Variants in NDST4 observed in about 807,000 individuals in gnomAD.
The protein encoded by NDST4 is N-heparan sulfate sulfotransferase 4.
A neutral mutation model predicts 100.8 loss-of-function variants in NDST4; 63 were observed. That is an observed-to-expected ratio of 0.62 (90% confidence interval 0.51 to 0.77). The LOEUF (loss-of-function observed/expected upper bound fraction) is 0.77. Ranked by LOEUF, NDST4 falls within the 30% of genes least tolerant of loss-of-function variation. The pLI, the probability that NDST4 is intolerant of heterozygous loss-of-function variation, is 0.00. For missense variants in NDST4, 943 were observed against 1,018.4 expected (o/e 0.93, Z 1.01); for synonymous variants, 377 against 361.8 (o/e 1.04, Z -0.48).
At chr4:114,985,355 G>A (rs181677896) in intron 2 of NDST4, among the ~76,000 whole-genome samples, 4 of 152,182 alleles carry the variant, frequency 2.6e-5, no homozygotes, top group South Asian at 2.1e-4. Flanking sequence ...CCCTCCTTTT[G>A]CCACTCTTCA....
chr4:114,849,662 T>C (rs1723630173), intron 8 of NDST4, among the ~76,000 whole-genome samples: 1 of 152,058 alleles, frequency 6.6e-6, no homozygotes, highest in African/African-American at 2.4e-5. Context: ...ACACCTAGAA[T>C]GAAACACTGT....
At chr4:115,033,014 T>C (rs1348679213) in intron 2 of NDST4, among the ~76,000 whole-genome samples, 1 of 151,438 alleles carries the variant, frequency 6.6e-6, no homozygotes, top group African/African-American at 2.4e-5. Flanking sequence ...ACTAATATTT[T>C]ATCTTTTATT....
intron 2 of NDST4, among the ~76,000 whole-genome samples, chr4:115,037,977 T>C (rs1728268796): frequency 6.6e-6 from 1 of 152,192 alleles, no homozygotes; most frequent in African/African-American, 2.4e-5. Context: ...GTTTTGACTA[T>C]AATTGCAGCT....
intron 11 of NDST4, among the ~76,000 whole-genome samples, chr4:114,834,622 C>CT (rs1723273214): frequency 6.6e-6 from 1 of 150,978 alleles, no homozygotes; most frequent in Non-Finnish European, 1.5e-5. Flanking sequence ...TAAAGTTATG[C>CT]TTTTTTTGTT....
intron 7 of NDST4, among the ~76,000 whole-genome samples, chr4:114,855,046 T>C (rs1186900485): frequency 6.6e-6 from 1 of 152,208 alleles, no homozygotes; most frequent in Non-Finnish European, 1.5e-5. Context: ...GTTGAGAACA[T>C]TTTCATATAA....
At chr4:115,113,321 T>C (rs1299474758) in intron 1 of NDST4, 123 bp downstream of exon 1, 1 of 151,954 alleles carries the variant, frequency 6.6e-6, no homozygotes. Context: ...TAAGATATTA[T>C]CTGCTTCTAC....
chr4:114,934,341 G>C (rs1187831196), intron 6 of NDST4, among the ~76,000 whole-genome samples: 1 of 152,038 alleles, frequency 6.6e-6, no homozygotes, highest in African/African-American at 2.4e-5. Flanking sequence ...CACGAGGTCA[G>C]GAGATCGAGA....
Position 115,010,712 on chromosome 4 carries a change from C to T in NDST4, c.979-33438G>A, listed in dbSNP as rs1305557283. Among the ~76,000 whole-genome samples the T allele has an allele frequency of 1.2e-4, 8 of 67,014 alleles. 2 individuals carry two copies. Among genetic ancestry groups the T allele is most frequent in the Non-Finnish European group, 1.6e-4 (5 of 32,182 alleles). The allele number at this position is 67,014 out of a possible 152,430, so 44.0% of individuals were successfully genotyped here. A position where few individuals can be genotyped will look rare whatever the true frequency, so the allele number is the denominator to read the frequency against. On this transcript the variant is annotated intron_variant, in intron 2 of 13. Transcript: ENST00000264363. ...AATAAAAAAAAGAATACATATATGG[C>T]TCTTTGTGACTTTGAAATCTAAAGC...
intron 6 of NDST4, among the ~76,000 whole-genome samples, chr4:114,882,386 A>G (rs776730970): frequency 9.9e-5 from 15 of 152,068 alleles, no homozygotes; most frequent in Non-Finnish European, 1.2e-4. Flanking sequence ...AGAAAACATC[A>G]CTGCTATATT....
intron 6 of NDST4, among the ~76,000 whole-genome samples, chr4:114,901,260 C>A (rs921331855): frequency 8.6e-5 from 13 of 152,018 alleles, no homozygotes; most frequent in Non-Finnish European, 1.6e-4. Context: ...TTTTCAATTA[C>A]AATACTGGAT....
intron 4 of NDST4, among the ~76,000 whole-genome samples, chr4:114,946,292 GA>G (rs112715556): frequency 6.6e-6 from 1 of 150,606 alleles, no homozygotes; most frequent in Non-Finnish European, 1.5e-5. Context: ...GAAGAAAACA[GA>G]AAAAAAAATG....
At position 114,965,290 on chromosome 4, in the gene NDST4, T is replaced by C. The variant is rs552005270; in HGVS notation, c.1221+5140A>G. On this transcript the variant is annotated intron_variant, in intron 4 of 13. Transcript: ENST00000264363. Reference sequence around the variant, plus strand: ...CTCTCAGTTTCATTTCATTATACTATTAATTTGTTATCATATTACTTTATT... The same window carrying C: ...CTCTCAGTTTCATTTCATTATACTACTAATTTGTTATCATATTACTTTATT... Among the ~76,000 whole-genome samples, 335 of 152,202 alleles carry C rather than the reference T, an allele frequency of 2.2e-3. 2 individuals are homozygous for C. Among genetic ancestry groups the C allele is most frequent in the African/African-American group, 7.4e-3 (308 of 41,556 alleles).
At chr4:114,897,108 T>C (rs911146069) in intron 6 of NDST4, among the ~76,000 whole-genome samples, 1 of 152,162 alleles carries the variant, frequency 6.6e-6, no homozygotes, top group Admixed American at 6.6e-5. Flanking sequence ...ACAGATAGTT[T>C]ACATTAGGTT....
At position 115,076,933 on chromosome 4, in the gene NDST4, G is replaced by T; in HGVS notation, c.104C>A (p.Ser35Tyr). 6.2e-7 allele frequency: 1 copy of T among 1,613,668 alleles called. No individual in the cohort carries two copies. Among genetic ancestry groups the T allele is most frequent in the Non-Finnish European group, 8.5e-7 (1 of 1,179,804 alleles). ...SIVISAYFLY[S>Y]GYKQEMTLIE... Reference sequence around the variant, plus strand: ...AAGTGTCATTTCCTGTTTGTAGCCAGAGTAGAGAAAATAGGCAGAAATGAC... The same window carrying T: ...AAGTGTCATTTCCTGTTTGTAGCCATAGTAGAGAAAATAGGCAGAAATGAC... Residue 35 changes from serine (S) to tyrosine (Y), a missense_variant, in exon 2 of 14, where the codon TCT (serine) becomes TAT (tyrosine). By Grantham distance (144) the Ser-to-Tyr change is moderately radical. This residue lies in a region of NDST4 where 417 missense variants were observed against 384.2 expected (regional missense o/e 1.09). Coordinates refer to ENST00000264363, the MANE Select transcript of NDST4 (RefSeq NM_022569.3).
rs114576802 is a variant in NDST4, at chr4:114,996,222, G to T, written c.979-18948C>A. ...CTATGCCGTTCTTGTGATAGTGAGT[G>T]AGTTCTCAGATCTGATGGTTTTATA... On this transcript the variant is annotated intron_variant, in intron 2 of 13. Transcript: ENST00000264363. 7.9e-3 allele frequency among the ~76,000 whole-genome samples: 1,196 copies of T among 152,130 alleles called. 11 individuals carry two copies. The highest frequency in any genetic ancestry group is 0.025 in the African/African-American group (1,052 of 41,518).
chr4:115,009,459 T>G (rs190130231), intron 2 of NDST4, among the ~76,000 whole-genome samples: 99,952 of 123,950 alleles, frequency 0.81, 45,486 homozygotes, highest in African/African-American at 0.9. Flanking sequence ...TAACAAATGG[T>G]GCTAGGAAAA....
intron 6 of NDST4, among the ~76,000 whole-genome samples, chr4:114,881,920 G>A (rs1285733071): frequency 6.6e-6 from 1 of 151,802 alleles, no homozygotes; most frequent in East Asian, 1.9e-4. Context: ...TTCTATCAAA[G>A]TGCATTAGGA....
intron 1 of NDST4, among the ~76,000 whole-genome samples, chr4:115,084,084 A>G (rs896926773): frequency 2.0e-5 from 3 of 152,150 alleles, no homozygotes; most frequent in Non-Finnish European, 4.4e-5. Flanking sequence ...CTTCCTAGAG[A>G]TTTGTCGAAT....
chr4:115,073,673 G>C (rs186883670), intron 2 of NDST4, among the ~76,000 whole-genome samples: 1 of 152,050 alleles, frequency 6.6e-6, no homozygotes, highest in Admixed American at 6.6e-5. Context: ...AGAGGTTGGA[G>C]AGATTCGGTT....
Sources: allele counts gnomAD v4.1 joint callset (sites outside exome capture counted in the v4.1 genomes callset), GRCh38; gene constraint gnomAD v4.1.1; regional missense constraint gnomAD v4.1.1; transcripts MANE v1.5; gene names NCBI Gene and HGNC (gene_info 2026-07-23, HGNC 2026-07-21).